The following C8orf34 variants were observed in gnomAD, a reference collection of about 807,000 sequenced individuals.
C8orf34 encodes the protein chromosome 8 open reading frame 34, also known as uncharacterized protein C8orf34.
C8orf34 carries 65 observed loss-of-function variants against 68.3 expected under a neutral mutation model. The ratio of observed to expected loss-of-function variants is 0.95; its 90% CI spans 0.78 to 1.17. The LOEUF is 1.17. Ranked by LOEUF, C8orf34 falls within the 50% of genes most tolerant of loss-of-function variation. The probability of loss-of-function intolerance (pLI) is 0.00; values close to 1 mark genes in which losing one functional copy is unlikely to be tolerated. For missense variants in C8orf34, 664 were observed against 655.4 expected, an observed-to-expected ratio of 1.01 and a Z score of -0.14; for synonymous variants, 244 against 241.2, an observed-to-expected ratio of 1.01 and a Z score of -0.11.
chr8:68,698,953 A>G (rs1820911906), intron 8 of C8orf34, among the ~76,000 whole-genome samples: 1 of 152,070 alleles, frequency 6.6e-6, no homozygotes, highest in Non-Finnish European at 1.5e-5. Context: ...ATGAGGATGG[A>G]TGGGAAGGGA....
chr8:68,582,334 C>A (rs560014744), intron 7 of C8orf34, among the ~76,000 whole-genome samples: 1 of 152,214 alleles, frequency 6.6e-6, no homozygotes, highest in Admixed American at 6.5e-5. Context: ...TTCCTTCCCT[C>A]CAGGTATAGG....
chr8:68,774,350 A>ATATATATATATATATATATATAT (rs1563661802), intron 10 of C8orf34, among the ~76,000 whole-genome samples: 12 of 109,444 alleles, frequency 1.1e-4, no homozygotes, highest in African/African-American at 4.5e-4. Context: ...TATATATATA[A>ATATATATATATATATATATATAT]AATAAACAAA....
intron 1 of C8orf34, among the ~76,000 whole-genome samples, chr8:68,337,391 G>GA (rs1231019495): frequency 6.6e-6 from 1 of 152,062 alleles, no homozygotes; most frequent in African/African-American, 2.4e-5. Flanking sequence ...AAAGCTAATA[G>GA]AGAAAATCTA....
At chr8:68,710,693 C>A (rs1563623508) in intron 9 of C8orf34, among the ~76,000 whole-genome samples, 1 of 152,156 alleles carries the variant, frequency 6.6e-6, no homozygotes, top group Non-Finnish European at 1.5e-5. Context: ...CTTTCTTTAC[C>A]TGCTGTGGTA....
At chr8:68,788,822 G>C (rs1055586089) in intron 12 of C8orf34, among the ~76,000 whole-genome samples, 1 of 151,876 alleles carries the variant, frequency 6.6e-6, no homozygotes, top group Admixed American at 6.6e-5. Flanking sequence ...TCGCGCCACT[G>C]CACTCCCGCC....
intron 11 of C8orf34, among the ~76,000 whole-genome samples, chr8:68,782,547 T>C (rs879342620): frequency 1.3e-5 from 2 of 151,086 alleles, no homozygotes; most frequent in Non-Finnish European, 2.9e-5. Context: ...CAAGAGATCA[T>C]CTAATCCAGT....
intron 7 of C8orf34, among the ~76,000 whole-genome samples, chr8:68,538,256 G>A (rs1815561482): frequency 6.6e-6 from 1 of 152,082 alleles, no homozygotes; most frequent in African/African-American, 2.4e-5. Flanking sequence ...GAGACACAGT[G>A]TGATTGGCAT....
At chr8:68,662,739 G>A (rs1819719174) in intron 8 of C8orf34, among the ~76,000 whole-genome samples, 1 of 152,202 alleles carries the variant, frequency 6.6e-6, no homozygotes, top group East Asian at 1.9e-4. Context: ...TCTTTAGACA[G>A]ATAAGGGAAC....
At chr8:68,749,154 G>C (rs12679986) in intron 10 of C8orf34, among the ~76,000 whole-genome samples, 2 of 150,996 alleles carry the variant, frequency 1.3e-5, no homozygotes, top group Non-Finnish European at 2.9e-5. Flanking sequence ...ACCAAACACC[G>C]CATATTCTCA....
intron 5 of C8orf34, among the ~76,000 whole-genome samples, chr8:68,495,013 G>C (rs191052933): frequency 6.6e-6 from 1 of 151,612 alleles, no homozygotes; most frequent in African/African-American, 2.4e-5. Flanking sequence ...AGTGTCTACT[G>C]ACCTAGGCAG....
intron 7 of C8orf34, among the ~76,000 whole-genome samples, chr8:68,606,637 A>G (rs894599105): frequency 6.6e-6 from 1 of 152,110 alleles, no homozygotes; most frequent in African/African-American, 2.4e-5. Flanking sequence ...AGCTAAATCA[A>G]CACAGGCAAC....
chr8:68,708,892 T>C, intron 8 of C8orf34, 102 bp from the exon 9 acceptor site: 1 of 791,780 alleles, frequency 1.3e-6, no homozygotes, highest in Non-Finnish European at 2.1e-6. Flanking sequence ...CATATCTGAG[T>C]TTAGAGTCTA....
At chr8:68,815,115 C>T (rs527703146) in intron 12 of C8orf34, among the ~76,000 whole-genome samples, 12 of 152,046 alleles carry the variant, frequency 7.9e-5, no homozygotes, top group East Asian at 1.9e-4. Context: ...CCATTCTTTT[C>T]GAGACATGTG....
intron 4 of C8orf34, among the ~76,000 whole-genome samples, chr8:68,477,317 C>T (rs1033477642): frequency 7.9e-5 from 12 of 152,314 alleles, no homozygotes; most frequent in African/African-American, 2.9e-4. Flanking sequence ...TTTATTTTAC[C>T]AATCACTCTT....
chr8:68,618,180 A>G (rs889917398), intron 7 of C8orf34, among the ~76,000 whole-genome samples: 1 of 151,960 alleles, frequency 6.6e-6, no homozygotes, highest in Non-Finnish European at 1.5e-5. Context: ...CTTTTTTCTT[A>G]GTAAAATTGC....
intron 12 of C8orf34, chr8:68,792,401 T>G: frequency 6.6e-6 from 1 of 151,310 alleles, no homozygotes; most frequent in East Asian, 1.9e-4. Flanking sequence ...TGAAACGCCG[T>G]CTCTACTAAA....
intron 3 of C8orf34, among the ~76,000 whole-genome samples, chr8:68,451,316 G>A (rs1273597470): frequency 2.0e-5 from 3 of 151,964 alleles, no homozygotes; most frequent in African/African-American, 4.8e-5. Flanking sequence ...CTTATCATTC[G>A]TGTGTTTACT....
chr8:68,384,946 C>T (rs1163830778), intron 1 of C8orf34, among the ~76,000 whole-genome samples: 1 of 151,970 alleles, frequency 6.6e-6, no homozygotes, highest in Non-Finnish European at 1.5e-5. Flanking sequence ...ACTTTACACA[C>T]CAGAAAATAG....
chr8:68,806,712 T>C (rs1255666543), intron 12 of C8orf34, among the ~76,000 whole-genome samples: 1 of 152,234 alleles, frequency 6.6e-6, no homozygotes, highest in East Asian at 1.9e-4. Flanking sequence ...TCTATCGTTT[T>C]TATATGTTTG....
Sources: gnomAD v4.1 joint callset for allele counts (sites outside exome capture counted in the v4.1 genomes callset) on GRCh38, gnomAD v4.1.1 for gene constraint, MANE v1.5 for transcripts, NCBI Gene and HGNC (gene_info 2026-07-23, HGNC 2026-07-21) for gene names.